DOCK6: variants seen among roughly 807,000 people sequenced by gnomAD.
DOCK6 encodes the protein dedicator of cytokinesis protein 6.
Under a neutral mutation model 230.3 loss-of-function variants are expected in DOCK6, and 167 were observed. The observed-to-expected ratio is 0.73, with a 90% confidence interval of 0.64 to 0.82. DOCK6 has a LOEUF of 0.82. Among genes scored for constraint, DOCK6 ranks in the 40% least tolerant of loss-of-function variants. The probability of loss-of-function intolerance (pLI) is 0.00; values close to 1 mark genes in which losing one functional copy is unlikely to be tolerated. For missense variants in DOCK6, 2,598 were observed against 2,825.8 expected, an observed-to-expected ratio of 0.92 and a Z score of 1.83; for synonymous variants, 1,148 against 1,185.0, an observed-to-expected ratio of 0.97 and a Z score of 0.64.
chr19:11,235,514 G>A (rs757908692), intron 21 of DOCK6, 84 bp downstream of exon 21: 116 of 1,381,386 alleles, frequency 8.4e-5, no homozygotes, highest in Non-Finnish European at 1.1e-4. Flanking sequence ...GCCTCCCAAA[G>A]TCCTGGGATT....
In DOCK6 at chr19:11,222,970, A is replaced by G; in HGVS notation, c.3069+23T>C. 3 of 1,613,592 alleles carry G rather than the reference A, an allele frequency of 1.9e-6. No homozygotes were observed. Among genetic ancestry groups the G allele is most frequent in the Non-Finnish European group, 2.5e-6 (3 of 1,179,748 alleles). On this transcript the variant is annotated intron_variant, in intron 25 of 47. Transcript: ENST00000294618. The surrounding 1 kb of genome is among the most constrained non-coding windows in gnomAD (Gnocchi z 4.0). ...TCCGCCTTCCATCCATGCCATGCCC[A>G]CCCTGCCCACGCCCACTCCTACCTG...
At chr19:11,215,567 C>T in intron 31 of DOCK6, 96 bp from the exon 32 acceptor site, 2 of 1,378,310 alleles carry the variant, frequency 1.5e-6, no homozygotes, top group Non-Finnish European at 2.0e-6. Context: ...TTCAGGTGGG[C>T]TGACCCATGA....
At chr19:11,219,350 AT>A (rs557147060) in intron 28 of DOCK6, among the ~76,000 whole-genome samples, 70 of 137,132 alleles carry the variant, frequency 5.1e-4, no homozygotes, top group Non-Finnish European at 3.6e-4. Flanking sequence ...TGCCTGCCTA[AT>A]TTTTTTTTTT....
chr19:11,226,323 TAAC>T (rs1178157801), intron 24 of DOCK6, among the ~76,000 whole-genome samples: 1 of 152,168 alleles, frequency 6.6e-6, no homozygotes, highest in African/African-American at 2.4e-5. Flanking sequence ...AAAATGGAGA[TAAC>T]AATAATACTA....
Position 11,214,268 on chromosome 19 carries a change from T to C in DOCK6, c.4338+7A>G, listed in dbSNP as rs1356460598. The C allele has an allele frequency of 6.2e-7, 1 of 1,604,248 alleles. No homozygotes were observed. The highest frequency in any genetic ancestry group is 8.5e-7 in the Non-Finnish European group (1 of 1,175,652). On this transcript the variant is annotated splice_region_variant and intron_variant, in intron 34 of 47. Coordinates refer to ENST00000294618, the MANE Select transcript of DOCK6 (RefSeq NM_020812.4). ...TCTAAGAATCATGGTTGTTGAGTGG[T>C]GCTCACCTTGGACACAAGGGCCCTC...
intron 14 of DOCK6, chr19:11,240,208 AG>A: frequency 6.4e-7 from 1 of 1,562,820 alleles, no homozygotes; most frequent in South Asian, 1.2e-5. Flanking sequence ...CAGGCACAGA[AG>A]GTGCTACGGG....
intron 34 of DOCK6, 117 bp from the exon 35 acceptor site, chr19:11,213,445 A>C: frequency 7.0e-7 from 1 of 1,423,962 alleles, no homozygotes. Flanking sequence ...TCTTTGGCCA[A>C]GTACCACTGG....
At chr19:11,213,069 T>G (rs938577970) in intron 35 of DOCK6, 107 bp downstream of exon 35, 2 of 1,424,304 alleles carry the variant, frequency 1.4e-6, no homozygotes, top group Admixed American at 4.3e-5. Flanking sequence ...TCCTGCTCAT[T>G]ATGCTCAATG....
chr19:11,241,499 C>T lies in DOCK6; in HGVS notation c.1643+546G>A, dbSNP rs192460764. 250 of 1,553,302 alleles carry T rather than the reference C, an allele frequency of 1.6e-4. 2 individuals are homozygous for T. In the East Asian group the frequency reaches 2.9e-3, roughly 18 times the overall value. ...ATGGGCCCTCACAGGCCACGTGCAG[C>T]GGCAGAGGCGGGAGATGGTGGCACA... On this transcript the variant is annotated intron_variant, in intron 14 of 47. Transcript: ENST00000294618.
At chr19:11,237,615 G>GGGGA in intron 17 of DOCK6, 26 bp downstream of exon 17, 1 of 1,589,636 alleles carries the variant, frequency 6.3e-7, no homozygotes, top group African/African-American at 1.3e-5. Context: ...GAGGGCTCAG[G>GGGGA]GGGAGGGAGG....
At chr19:11,258,662 A>T (rs541439364) in intron 1 of DOCK6, among the ~76,000 whole-genome samples, 1 of 151,552 alleles carries the variant, frequency 6.6e-6, no homozygotes, top group East Asian at 1.9e-4. Flanking sequence ...CGAACTCCTG[A>T]CCTCAGGTGA....
Position 11,202,267 on chromosome 19 carries a change from G to A in DOCK6, c.5451+127C>T, listed in dbSNP as rs1445767454. 4 of 1,396,132 alleles carry A rather than the reference G, an allele frequency of 2.9e-6. No individual in the cohort carries two copies. The African/African-American group carries it at 5.8e-5, about 20-fold the overall frequency. 86.5% of individuals were successfully genotyped at this position (1,396,132 alleles called of 1,614,324 possible). Reference sequence around the variant, plus strand: ...TGTTTGGGAATCCCCTGAGGAATAGGTTTTGGGGTCCCTCAGTGAAATATG... The same window carrying A: ...TGTTTGGGAATCCCCTGAGGAATAGATTTTGGGGTCCCTCAGTGAAATATG... On this transcript the variant is annotated intron_variant, in intron 43 of 47. Transcript: ENST00000294618. This position sits in a 1 kb window ranked among gnomAD's most constrained non-coding sequence, Gnocchi z 5.3.
chr19:11,232,786 T>C (rs1471979754), intron 22 of DOCK6, among the ~76,000 whole-genome samples: 1 of 151,282 alleles, frequency 6.6e-6, no homozygotes, highest in Non-Finnish European at 1.5e-5. Context: ...TGTAGGTATA[T>C]GCATGTGGGG....
Position 11,238,130 on chromosome 19 carries a change from T to A in DOCK6, c.1762-15A>T, listed in dbSNP as rs1023737778. ...CCAAAGATGACCTGGGAGAGTGGATTCATGAGGGACCCATGGGGGATGCCC... is the reference window on the plus strand; with the variant it reads ...CCAAAGATGACCTGGGAGAGTGGATACATGAGGGACCCATGGGGGATGCCC... On this transcript the variant is annotated splice_polypyrimidine_tract_variant and intron_variant, in intron 15 of 47. Transcript: ENST00000294618. 3.7e-6 allele frequency: 6 copies of A among 1,613,772 alleles called. No homozygotes were observed. The African/African-American group carries it at 6.7e-5, about 18-fold the overall frequency.
At chr19:11,259,113 G>A (rs1431333980) in intron 1 of DOCK6, among the ~76,000 whole-genome samples, 3 of 152,016 alleles carry the variant, frequency 2.0e-5, no homozygotes, top group African/African-American at 4.8e-5. Flanking sequence ...GTGCAGTGGC[G>A]CAATCACGGC....
Position 11,222,898 on chromosome 19 carries a change from G to T in DOCK6, c.3077C>A (p.Thr1026Lys). 2.5e-6 allele frequency: 4 copies of T among 1,609,668 alleles called. No individual in the cohort carries two copies. The highest frequency in any genetic ancestry group is 3.4e-6 in the Non-Finnish European group (4 of 1,178,262). The change falls in exon 26 of 48, where the codon ACG becomes AAG. Residue 1026 changes from threonine (T) to lysine (K), a missense_variant. Coordinates refer to ENST00000294618, the MANE Select transcript of DOCK6 (RefSeq NM_020812.4). The surrounding 1 kb of genome is among the most constrained non-coding windows in gnomAD (Gnocchi z 4.0). Reference sequence around the variant, plus strand: ...TGGATTAGGGGACGACTGGAGCCGCGTGGCCACCTGCAGGAGAGGGGTGGC... The same window carrying T: ...TGGATTAGGGGACGACTGGAGCCGCTTGGCCACCTGCAGGAGAGGGGTGGC... ...LVRAHYKQVA[T>K]RLQSSPNPAA...
intron 1 of DOCK6, 86 bp downstream of exon 1, chr19:11,262,311 G>A: frequency 2.1e-6 from 2 of 931,762 alleles, no homozygotes; most frequent in Non-Finnish European, 2.7e-6. Flanking sequence ...TTGAATTGGG[G>A]GCGCCCGGGC....
In DOCK6 at chr19:11,235,624, G is replaced by A. The variant is rs368081450; in HGVS notation, c.2528C>T (p.Pro843Leu). 22 of 1,600,716 alleles carry A rather than the reference G, an allele frequency of 1.4e-5. No individual in the cohort carries two copies. In the South Asian group the frequency reaches 2.5e-4, roughly 18 times the overall value. ...AAYVHYAFRL[P>L]GTEPSLPDGA... is the part of the protein sequence containing the mutation. ...ATCCGGGAGGCTGGGCTCAGTGCCAGGAAGGCGAAAGGCGTAGTGGACGTA... is the reference window on the plus strand; with the variant it reads ...ATCCGGGAGGCTGGGCTCAGTGCCAAGAAGGCGAAAGGCGTAGTGGACGTA... The change falls in exon 21 of 48, where the codon CCT becomes CTT. Residue 843 changes from proline to leucine, a missense_variant. Coordinates refer to ENST00000294618, the MANE Select transcript of DOCK6 (RefSeq NM_020812.4).
intron 22 of DOCK6, 172 bp from the exon 23 acceptor site, chr19:11,229,207 AC>A (rs1028062316): frequency 7.9e-6 from 10 of 1,271,036 alleles, no homozygotes; most frequent in East Asian, 2.7e-5. Flanking sequence ...GGCTCGCCAG[AC>A]CCCCCTGGAC....
Sources: gnomAD v4.1 joint callset for allele counts (sites outside exome capture counted in the v4.1 genomes callset) on GRCh38, gnomAD v4.1.1 for gene constraint, Gnocchi (gnomAD v3.1) non-coding constraint, MANE v1.5 for transcripts, NCBI Gene and HGNC (gene_info 2026-07-23, HGNC 2026-07-21) for gene names.